ZCWPW2: variants seen among roughly 807,000 people sequenced by gnomAD.
The protein encoded by ZCWPW2 is zinc finger CW-type and PWWP domain containing 2.
In ZCWPW2, 45 loss-of-function variants were observed where a neutral mutation model predicts 46.6. The observed-to-expected ratio is 0.96, with a 90% confidence interval of 0.76 to 1.24. ZCWPW2 has a LOEUF of 1.24. ZCWPW2 is among the 50% of genes most tolerant of loss of function. The pLI is 0.00. For synonymous variants in ZCWPW2, 152 were observed against 137.1 expected, an observed-to-expected ratio of 1.11 and a Z score of -0.76; for missense variants, 429 against 403.9, an observed-to-expected ratio of 1.06 and a Z score of -0.53.
At chr3:28,479,180 A>G (rs1312297227) in intron 5 of ZCWPW2, among the ~76,000 whole-genome samples, 3 of 152,150 alleles carry the variant, frequency 2.0e-5, no homozygotes, top group African/African-American at 7.2e-5. Context: ...TTTGTTATCT[A>G]TCTTCTTTAC....
chr3:28,387,163 C>T (rs142355493), intron 1 of ZCWPW2, among the ~76,000 whole-genome samples: 3 of 152,214 alleles, frequency 2.0e-5, no homozygotes, highest in East Asian at 3.9e-4. Context: ...CTTGGTTTTC[C>T]CAGATCCCTC....
chr3:28,366,509 G>C (rs1705124181), intron 1 of ZCWPW2, among the ~76,000 whole-genome samples: 1 of 129,418 alleles, frequency 7.7e-6, no homozygotes, highest in African/African-American at 3.0e-5. Context: ...GATCATGGTG[G>C]ATAAGCTTTT....
At chr3:28,514,701 T>C (rs776948344) in intron 7 of ZCWPW2, among the ~76,000 whole-genome samples, 5 of 152,334 alleles carry the variant, frequency 3.3e-5, no homozygotes, top group Non-Finnish European at 7.4e-5. Context: ...TAAAGATTAA[T>C]ATCTTATGAG....
rs1226810559 is a variant in ZCWPW2, at chr3:28,387,775, G to C, written c.-133-2723G>C. 3.9e-5 allele frequency among the ~76,000 whole-genome samples: 6 copies of C among 152,086 alleles called. No individual in the cohort carries two copies. The East Asian group carries it at 1.2e-3, about 29-fold the overall frequency. The stretch of plus-strand genomic sequence containing the variant: ...TAAACTGGCAAAATCTTTCAGAATT[G>C]ACTTTTTTGGCGCTCTGGAATGTAA... On this transcript the variant is annotated intron_variant, in intron 1 of 9. Transcript: ENST00000383768.
At chr3:28,469,462 T>C (rs994455245) in intron 4 of ZCWPW2, among the ~76,000 whole-genome samples, 1 of 152,110 alleles carries the variant, frequency 6.6e-6, no homozygotes, top group African/African-American at 2.4e-5. Context: ...AATGATCCAT[T>C]GCTTACAAGA....
At chr3:28,465,199 A>G (rs1698774288) in intron 4 of ZCWPW2, among the ~76,000 whole-genome samples, 2 of 152,318 alleles carry the variant, frequency 1.3e-5, no homozygotes, top group African/African-American at 4.8e-5. Flanking sequence ...ATCTCTTTAA[A>G]TGCTATTGTA....
intron 1 of ZCWPW2, among the ~76,000 whole-genome samples, chr3:28,380,730 A>G (rs888406686): frequency 6.7e-6 from 1 of 150,374 alleles, no homozygotes; most frequent in Admixed American, 6.6e-5. Flanking sequence ...ATCTCTTTCC[A>G]TTTTTCCCTA....
intron 4 of ZCWPW2, chr3:28,448,120 A>T (rs1006418593): frequency 2.0e-4 from 40 of 197,286 alleles, no homozygotes; most frequent in African/African-American, 3.7e-4. Flanking sequence ...TAAAAGGCTT[A>T]AAAAAAAGAT....
At chr3:28,524,207 T>C (rs1258785286) in intron 9 of ZCWPW2, among the ~76,000 whole-genome samples, 2 of 151,994 alleles carry the variant, frequency 1.3e-5, no homozygotes, top group Non-Finnish European at 2.9e-5. Context: ...TTTTAAGTTG[T>C]ATTCCCTATA....
chr3:28,432,024 A>C (rs892569099), intron 3 of ZCWPW2, among the ~76,000 whole-genome samples: 1 of 152,086 alleles, frequency 6.6e-6, no homozygotes, highest in African/African-American at 2.4e-5. Flanking sequence ...GAACTCACTC[A>C]CTATCACAAG....
At chr3:28,356,766 A>G (rs1454256380) in intron 1 of ZCWPW2, among the ~76,000 whole-genome samples, 2 of 152,212 alleles carry the variant, frequency 1.3e-5, no homozygotes, top group South Asian at 4.1e-4. Context: ...AGTAAACCAA[A>G]CACCGCATGT....
chr3:28,349,284 G>A (rs1402175743), intron 1 of ZCWPW2, 81 bp downstream of exon 1: 7 of 875,364 alleles, frequency 8.0e-6, no homozygotes, highest in African/African-American at 1.8e-5. Flanking sequence ...TTTTCACTCA[G>A]TGTCCTTTTG....
At chr3:28,459,968 G>T (rs1254017795) in intron 4 of ZCWPW2, among the ~76,000 whole-genome samples, 2 of 152,088 alleles carry the variant, frequency 1.3e-5, no homozygotes, top group African/African-American at 4.8e-5. Flanking sequence ...CTAGTACCTT[G>T]TGATTTTTCT....
chr3:28,467,426 A>G (rs1698868283), intron 4 of ZCWPW2, among the ~76,000 whole-genome samples: 1 of 150,534 alleles, frequency 6.6e-6, no homozygotes, highest in Non-Finnish European at 1.5e-5. Context: ...TCCATATAAA[A>G]GAAAATATAA....
At chr3:28,487,695 T>A (rs1699651452) in intron 5 of ZCWPW2, among the ~76,000 whole-genome samples, 1 of 152,156 alleles carries the variant, frequency 6.6e-6, no homozygotes, top group African/African-American at 2.4e-5. Context: ...GGCATGATGT[T>A]CTGGGTAAAA....
intron 1 of ZCWPW2, among the ~76,000 whole-genome samples, chr3:28,366,864 A>T (rs1251175052): frequency 6.6e-6 from 1 of 152,298 alleles, no homozygotes; most frequent in East Asian, 1.9e-4. Context: ...TTCCTGATTT[A>T]GTCTTGGGAG....
chr3:28,375,608 A>C (rs191620348), intron 1 of ZCWPW2, among the ~76,000 whole-genome samples: 11 of 152,218 alleles, frequency 7.2e-5, no homozygotes, highest in African/African-American at 2.2e-4. Context: ...TGGGGTATCC[A>C]TCTCAAGCAT....
At chr3:28,445,396 G>A (rs911813701) in intron 4 of ZCWPW2, among the ~76,000 whole-genome samples, 3 of 151,926 alleles carry the variant, frequency 2.0e-5, no homozygotes, top group Admixed American at 6.6e-5. Flanking sequence ...ATGAAATTTC[G>A]TGACAACAAC....
chr3:28,435,536 A>G (rs1254295032), intron 4 of ZCWPW2, among the ~76,000 whole-genome samples: 1 of 136,028 alleles, frequency 7.4e-6, no homozygotes, highest in Admixed American at 8.0e-5. Flanking sequence ...CCCAGGCTGG[A>G]GTGCAATGGC....
Sources: gnomAD v4.1 joint callset for allele counts (sites outside exome capture counted in the v4.1 genomes callset) on GRCh38, gnomAD v4.1.1 for gene constraint, MANE v1.5 for transcripts, NCBI Gene and HGNC (gene_info 2026-07-23, HGNC 2026-07-21) for gene names.